CTXND2: variants seen among roughly 807,000 people sequenced by gnomAD.
CTXND2 encodes cortexin domain containing 2.
At chr1:150,909,081 A>T (rs1479562173) in intron 1 of CTXND2, among the ~76,000 whole-genome samples, 1 of 151,652 alleles carries the variant, frequency 6.6e-6, no homozygotes, top group South Asian at 2.1e-4. Context: ...TCTACTAAAA[A>T]TACAAAACGT....
At chr1:150,904,042 C>T (rs1448660550) in intron 1 of CTXND2, 3 of 655,602 alleles carry the variant, frequency 4.6e-6, no homozygotes, top group Non-Finnish European at 8.6e-6. Context: ...GATTCTCTTA[C>T]ACAGATGCCA....
At chr1:150,900,125 A>G (rs902228318) in intron 1 of CTXND2, among the ~76,000 whole-genome samples, 4 of 152,098 alleles carry the variant, frequency 2.6e-5, no homozygotes, top group East Asian at 1.9e-4. Flanking sequence ...TGGAGGCTGT[A>G]TTCTTTTGCT....
chr1:150,903,602 A>G (rs1277422294), intron 1 of CTXND2, among the ~76,000 whole-genome samples: 2 of 152,046 alleles, frequency 1.3e-5, no homozygotes, highest in African/African-American at 4.8e-5. Context: ...GTTCAAGACC[A>G]GCCTGGCCAA....
intron 1 of CTXND2, among the ~76,000 whole-genome samples, chr1:150,899,092 C>A (rs975813618): frequency 7.1e-6 from 1 of 141,470 alleles, no homozygotes; most frequent in African/African-American, 2.6e-5. Context: ...AGCAAGACTC[C>A]GTCTCAAATA....
intron 1 of CTXND2, among the ~76,000 whole-genome samples, chr1:150,901,229 G>C (rs1669022400): frequency 6.6e-6 from 1 of 152,134 alleles, no homozygotes; most frequent in Non-Finnish European, 1.5e-5. Flanking sequence ...ACAAAACATT[G>C]TTGAAAGAAA....
chr1:150,905,424 G>A (rs587645565), intron 1 of CTXND2, among the ~76,000 whole-genome samples: 1 of 152,114 alleles, frequency 6.6e-6, no homozygotes, highest in Non-Finnish European at 1.5e-5. Flanking sequence ...GGGATTATAG[G>A]CATGAGCCGT....
intron 1 of CTXND2, among the ~76,000 whole-genome samples, chr1:150,901,856 TG>T (rs1669042005): frequency 6.7e-6 from 1 of 148,946 alleles, no homozygotes; most frequent in South Asian, 2.2e-4. Context: ...AGGTGGAGCT[TG>T]CAGTGAGCCA....
exon 2 of CTXND2, chr1:150,913,139 T>C (rs1384592874): frequency 1.3e-5 from 2 of 152,142 alleles, no homozygotes; most frequent in Non-Finnish European, 2.9e-5. Context: ...ATTAAGAATC[T>C]CAAGATAAAT....
chr1:150,910,475 G>A (rs1354021712), intron 1 of CTXND2, among the ~76,000 whole-genome samples: 1 of 151,884 alleles, frequency 6.6e-6, no homozygotes, highest in Non-Finnish European at 1.5e-5. Context: ...TGGGACTATT[G>A]GGTTCATTTC....
intron 1 of CTXND2, among the ~76,000 whole-genome samples, chr1:150,903,256 C>G (rs1669075186): frequency 6.6e-6 from 1 of 151,684 alleles, no homozygotes; most frequent in Non-Finnish European, 1.5e-5. Flanking sequence ...TTTTTCTTCT[C>G]TTTTTATTGA....
intron 1 of CTXND2, among the ~76,000 whole-genome samples, chr1:150,889,969 C>T (rs1428289697): frequency 1.3e-5 from 2 of 152,080 alleles, no homozygotes; most frequent in Admixed American, 1.3e-4. Flanking sequence ...TTTATCTGCT[C>T]AAAACCTTCC....
chr1:150,887,197 A>C lies in CTXND2; in HGVS notation c.-190A>C, dbSNP rs1050190674. 2.0e-5 allele frequency: 3 copies of C among 151,894 alleles called. No individual in the cohort carries two copies. The East Asian group carries it at 5.8e-4, about 29-fold the overall frequency. The allele number at this position is 151,894 out of a possible 1,614,324, so 9.4% of individuals were successfully genotyped here. A position where few individuals can be genotyped will look rare whatever the true frequency, so the allele number is the denominator to read the frequency against. ...TGGGGAAGGGAGAGAGCTACCAACC[A>C]CTCTCCTTTTGTGGGAAGAGGTTGA... On this transcript the variant is annotated 5_prime_UTR_variant, in exon 1 of 2. Coordinates refer to ENST00000636087, the Ensembl canonical transcript of CTXND2.
chr1:150,905,143 CTTTTTTTTTTTTTTTTTT>C (rs587675090), intron 1 of CTXND2, among the ~76,000 whole-genome samples: 1 of 114,722 alleles, frequency 8.7e-6, no homozygotes, highest in Non-Finnish European at 1.9e-5. Flanking sequence ...TCTGCCAATT[CTTTTTTTTTTTTTTTTTT>C]TAGGCCGAGT....
At position 150,903,782 on chromosome 1, in the gene CTXND2, C is replaced by CA. The variant is rs1177676760; in HGVS notation, c.-73-8459dup. On this transcript the variant is annotated intron_variant, in intron 1 of 1. Transcript: ENST00000636087. ...CATTTTTGCCCTCCAGCCTGAGCGA[C>CA]AGTGTGAAACTCCGTCTCAAAAAAA... 9.8e-5 allele frequency: 37 copies of CA among 379,162 alleles called. No homozygotes were observed. In the Admixed American group the frequency reaches 1.2e-3, roughly 12 times the overall value. The allele number at this position is 379,162 out of a possible 1,614,324, so 23.5% of individuals were successfully genotyped here. A position where few individuals can be genotyped will look rare whatever the true frequency, so the allele number is the denominator to read the frequency against.
At chr1:150,907,049 C>T (rs1214939616) in intron 1 of CTXND2, among the ~76,000 whole-genome samples, 1 of 152,164 alleles carries the variant, frequency 6.6e-6, no homozygotes, top group Non-Finnish European at 1.5e-5. Context: ...TCACATTTTC[C>T]CCTTCCTTTC....
exon 2 of CTXND2, chr1:150,912,733 A>T (rs1404317158): frequency 3.1e-6 from 1 of 324,790 alleles, no homozygotes; most frequent in Non-Finnish European, 5.6e-6. Context: ...AGGATGAGAC[A>T]GTGGGCCATA....
rs587699959 is a variant in CTXND2 at position 150,903,453 on chromosome 1, T to A, written c.-73-8789T>A. On this transcript the variant is annotated intron_variant, in intron 1 of 1. Coordinates refer to ENST00000636087, the Ensembl canonical transcript of CTXND2. Reference sequence around the variant, plus strand: ...TTCTCTTTGATTTTTAACTTTTTTTTAATTAAAAGATACCAGTATGAGATG... The same window carrying A: ...TTCTCTTTGATTTTTAACTTTTTTTAAATTAAAAGATACCAGTATGAGATG... Among the ~76,000 whole-genome samples the A allele has an allele frequency of 7.9e-5, 12 of 152,044 alleles. No homozygotes were observed. The South Asian group carries it at 8.3e-4, about 11-fold the overall frequency.
intron 1 of CTXND2, among the ~76,000 whole-genome samples, chr1:150,900,241 A>C (rs1395283019): frequency 1.3e-5 from 2 of 152,060 alleles, no homozygotes; most frequent in Non-Finnish European, 2.9e-5. Flanking sequence ...AGTCAGTGAG[A>C]CCACGAACCC....
chr1:150,891,857 C>T (rs1668855488), intron 1 of CTXND2, among the ~76,000 whole-genome samples: 1 of 152,180 alleles, frequency 6.6e-6, no homozygotes, highest in Admixed American at 6.6e-5. Flanking sequence ...TCAGTAAAAT[C>T]TCCCTTGATT....
Sources: gnomAD v4.1 joint callset for allele counts (sites outside exome capture counted in the v4.1 genomes callset) on GRCh38, gnomAD v4.1.1 for gene constraint, MANE v1.5 for transcripts, NCBI Gene and HGNC (gene_info 2026-07-23, HGNC 2026-07-21) for gene names.